Variants in ADAM18 observed in about 807,000 individuals in gnomAD.
The protein encoded by ADAM18 is disintegrin and metalloproteinase domain-containing protein 18.
ADAM18 carries 117 observed loss-of-function variants against 94.4 expected under a neutral mutation model. The ratio of observed to expected loss-of-function variants is 1.24; its 90% CI spans 1.07 to 1.45. The LOEUF is 1.45. Among genes scored for constraint, ADAM18 ranks in the 40% most tolerant of loss-of-function variants. ADAM18 has a pLI of 0.00. For synonymous variants in ADAM18, 327 were observed against 291.6 expected (o/e 1.12, Z -1.24); for missense variants, 936 against 880.0 (o/e 1.06, Z -0.81).
chr8:39,613,710 A>G (rs2129578595), intron 6 of ADAM18, among the ~76,000 whole-genome samples: 1 of 152,302 alleles, frequency 6.6e-6, no homozygotes, highest in Middle Eastern at 3.4e-3. Flanking sequence ...TTGAAACCCA[A>G]TCTAAGGAAT....
intron 14 of ADAM18, among the ~76,000 whole-genome samples, chr8:39,671,364 G>C (rs1821151607): frequency 6.6e-6 from 1 of 152,206 alleles, no homozygotes; most frequent in African/African-American, 2.4e-5. Flanking sequence ...AATGGCTATT[G>C]CCAAATACCA....
chr8:39,668,275 A>G, intron 14 of ADAM18, 79 bp downstream of exon 14: 2 of 1,320,888 alleles, frequency 1.5e-6, no homozygotes, highest in Non-Finnish European at 2.1e-6. Context: ...ACACAACTCT[A>G]GAAGTGGAAG....
intron 13 of ADAM18, 34 bp from the exon 14 acceptor site, chr8:39,667,964 C>T (rs772277031): frequency 3.8e-6 from 6 of 1,583,732 alleles, no homozygotes; most frequent in Middle Eastern, 1.7e-4. Flanking sequence ...AAATGATTTA[C>T]AGAACTTAAT....
chr8:39,625,474 A>G (rs575824949), intron 6 of ADAM18, among the ~76,000 whole-genome samples: 3 of 152,270 alleles, frequency 2.0e-5, no homozygotes, highest in Admixed American at 1.3e-4. Flanking sequence ...TGATTATAAC[A>G]TTGGTAGACA....
chr8:39,724,736 T>C (rs1822852969), intron 19 of ADAM18, among the ~76,000 whole-genome samples: 1 of 151,872 alleles, frequency 6.6e-6, no homozygotes, highest in African/African-American at 2.4e-5. Flanking sequence ...ATTCTATACG[T>C]TTTGATAGCA....
chr8:39,722,742 A>G (rs146853768), intron 18 of ADAM18, among the ~76,000 whole-genome samples: 220 of 151,744 alleles, frequency 1.4e-3, no homozygotes, highest in Middle Eastern at 3.4e-3. Context: ...TAGCAAGCCA[A>G]AATGAAAGGG....
intron 13 of ADAM18, among the ~76,000 whole-genome samples, chr8:39,666,916 T>TG (rs1491552576): frequency 3.6e-4 from 55 of 150,924 alleles, no homozygotes; most frequent in Non-Finnish European, 5.2e-4. Context: ...TGTGTGTGTG[T>TG]TTGTGTGCAT....
intron 17 of ADAM18, among the ~76,000 whole-genome samples, chr8:39,706,368 A>G (rs1344079293): frequency 6.6e-6 from 1 of 152,138 alleles, no homozygotes; most frequent in Non-Finnish European, 1.5e-5. Flanking sequence ...CAATCAATTG[A>G]TATTTATTTT....
chr8:39,607,779 T>TCCA (rs1819134944), intron 3 of ADAM18, among the ~76,000 whole-genome samples: 2 of 151,268 alleles, frequency 1.3e-5, no homozygotes, highest in African/African-American at 4.9e-5. Flanking sequence ...CTCTCGAATC[T>TCCA]TAGAGTACTC....
At chr8:39,708,029 C>T (rs192670806) in intron 18 of ADAM18, among the ~76,000 whole-genome samples, 2 of 152,124 alleles carry the variant, frequency 1.3e-5, no homozygotes, top group African/African-American at 4.8e-5. Flanking sequence ...GTAGCATATA[C>T]GGCATGTATT....
chr8:39,662,554 G>A (rs1820869458), intron 12 of ADAM18, among the ~76,000 whole-genome samples: 1 of 152,020 alleles, frequency 6.6e-6, no homozygotes, highest in Non-Finnish European at 1.5e-5. Context: ...ATAAAAATAT[G>A]GTGTAAATGC....
At chr8:39,670,637 C>T (rs1461414623) in intron 14 of ADAM18, among the ~76,000 whole-genome samples, 2 of 152,116 alleles carry the variant, frequency 1.3e-5, no homozygotes, top group Non-Finnish European at 2.9e-5. Flanking sequence ...GATTATTGTA[C>T]TCATGGAGCT....
chr8:39,610,452 C>A, intron 5 of ADAM18, 77 bp from the exon 6 acceptor site: 1 of 1,428,790 alleles, frequency 7.0e-7, no homozygotes, highest in Non-Finnish European at 9.3e-7. Flanking sequence ...ATTTCTTATG[C>A]CATTTCAGAT....
chr8:39,623,105 C>T (rs7839634), intron 6 of ADAM18, among the ~76,000 whole-genome samples: 2 of 152,132 alleles, frequency 1.3e-5, no homozygotes, highest in Non-Finnish European at 2.9e-5. Context: ...AAAGTGAGAA[C>T]ATATAGTATC....
intron 14 of ADAM18, among the ~76,000 whole-genome samples, chr8:39,677,033 G>A (rs1821320139): frequency 6.6e-6 from 1 of 152,122 alleles, no homozygotes; most frequent in African/African-American, 2.4e-5. Flanking sequence ...ATAAACACAT[G>A]TGCTACAAAG....
chr8:39,667,860 G>T, intron 13 of ADAM18, 138 bp from the exon 14 acceptor site: 2 of 797,812 alleles, frequency 2.5e-6, no homozygotes, highest in South Asian at 1.8e-5. Flanking sequence ...ATTTTTTTTG[G>T]CAAACTCACG....
intron 2 of ADAM18, among the ~76,000 whole-genome samples, chr8:39,600,993 T>A (rs1585884335): frequency 6.6e-6 from 1 of 152,118 alleles, no homozygotes; most frequent in South Asian, 2.1e-4. Context: ...ACAGGAAGCA[T>A]GGCTGGGGAG....
At chr8:39,663,315 A>C (rs1187948424) in intron 12 of ADAM18, among the ~76,000 whole-genome samples, 1 of 151,206 alleles carries the variant, frequency 6.6e-6, no homozygotes, top group Non-Finnish European at 1.5e-5. Flanking sequence ...AGGGTCTGGC[A>C]TGGTGGCTAA....
chr8:39,662,481 G>A (rs994641814), intron 12 of ADAM18, among the ~76,000 whole-genome samples: 2 of 152,076 alleles, frequency 1.3e-5, no homozygotes, highest in East Asian at 1.9e-4. Flanking sequence ...TTATATTAAA[G>A]GACAAGATCT....
Sources: gnomAD v4.1 joint callset for allele counts (sites outside exome capture counted in the v4.1 genomes callset) on GRCh38, gnomAD v4.1.1 for gene constraint, MANE v1.5 for transcripts, NCBI Gene and HGNC (gene_info 2026-07-23, HGNC 2026-07-21) for gene names.